Variants in COL16A1 observed in about 807,000 individuals in gnomAD.
COL16A1 encodes the protein collagen alpha-1(XVI) chain.
A neutral mutation model predicts 266.3 loss-of-function variants in COL16A1; 189 were observed. That is an observed-to-expected ratio of 0.71 (90% CI 0.63 to 0.80). The LOEUF is 0.80. Ranked by LOEUF, COL16A1 falls within the 30% of genes least tolerant of loss-of-function variation. The pLI is 0.00. For missense variants in COL16A1, 1,928 were observed against 2,122.4 expected (o/e 0.91, Z 1.80); for synonymous variants, 740 against 782.3 (o/e 0.95, Z 0.90).
Position 31,692,038 on chromosome 1 carries a change from G to T in COL16A1, c.1224C>A (p.Gly408=), listed in dbSNP as rs1644294156. 5.6e-6 allele frequency: 9 copies of T among 1,613,858 alleles called. No homozygotes were observed. Among genetic ancestry groups the T allele is most frequent in the Non-Finnish European group, 7.6e-6 (9 of 1,180,002 alleles). The change falls in exon 17 of 71, where the codon GGC becomes GGA. Residue 408 remains glycine (G), a synonymous_variant. Transcript: ENST00000373672. ...KGQKGEKGDG[G]IKGVPGKPGR... ...CTGGCTTTCCCGGCACGCCCTTGAT[G>T]CCTCCGTCGCCCTTCTCGCCTTTCT...
chr1:31,672,319 G>C, intron 47 of COL16A1, 97 bp downstream of exon 47: 1 of 1,382,696 alleles, frequency 7.2e-7, no homozygotes, highest in Non-Finnish European at 1.0e-6. Context: ...AGTGGTAAAG[G>C]GCATCAGTCA....
chr1:31,695,800 T>C lies in COL16A1; in HGVS notation c.919-13A>G, dbSNP rs896087606. 1 of 1,588,222 alleles carries C rather than the reference T, an allele frequency of 6.3e-7. No homozygotes were observed. Among genetic ancestry groups the C allele is most frequent in the African/African-American group, 1.3e-5 (1 of 74,250 alleles). The stretch of plus-strand genomic sequence containing the variant: ...TCTCCTGATGGACCTGAGGAAAGGG[T>C]GGGGGGTGTGGGAATGGGCAGGGAG... On this transcript the variant is annotated splice_polypyrimidine_tract_variant and intron_variant, in intron 9 of 70. Transcript: ENST00000373672.
chr1:31,654,891 T>C, intron 67 of COL16A1, 33 bp from the exon 68 acceptor site: 1 of 1,610,228 alleles, frequency 6.2e-7, no homozygotes, highest in Non-Finnish European at 8.5e-7. Flanking sequence ...GCCTCAATTA[T>C]ACTTCCAAGC....
chr1:31,668,896 T>TGCCCCCCCCCCCCC lies in COL16A1; in HGVS notation c.3196-42_3196-41insGGGGGGGGGGGGGC. ...CATGAGAAACTGCAGGAGCCGGCGGTCCCCACCCAGCCCCTGACTCCTTCC... is the reference window on the plus strand; with the variant it reads ...CATGAGAAACTGCAGGAGCCGGCGGTGCCCCCCCCCCCCCCCCCACCCAGCCCCTGACTCCTTCC... On this transcript the variant is annotated intron_variant, in intron 49 of 70. Transcript: ENST00000373672. The surrounding 1 kb of genome is among the most constrained non-coding windows in gnomAD (Gnocchi z 5.8). 1.3e-6 allele frequency: 2 copies of TGCCCCCCCCCCCCC among 1,569,722 alleles called. No individual in the cohort carries two copies. Among genetic ancestry groups the TGCCCCCCCCCCCCC allele is most frequent in the African/African-American group, 1.4e-5 (1 of 73,676 alleles).
In COL16A1 at chr1:31,658,896, G is replaced by A; in HGVS notation, c.3930+18C>T. ...CAAAACTCCTGGGAGGGAGGAAGGA[G>A]TGGAGCATGTTACTCACCACTGCAG... is the stretch of plus-strand genomic sequence containing the variant. On this transcript the variant is annotated intron_variant, in intron 63 of 70. Transcript: ENST00000373672. 6.4e-7 allele frequency: 1 copy of A among 1,552,338 alleles called. No homozygotes were observed. Among genetic ancestry groups the A allele is most frequent in the African/African-American group, 1.4e-5 (1 of 73,150 alleles).
At position 31,668,674 on chromosome 1, in the gene COL16A1, G is replaced by A. The variant is rs1642362660; in HGVS notation, c.3249+128C>T. On this transcript the variant is annotated intron_variant, in intron 50 of 70. Transcript: ENST00000373672. This position sits in a 1 kb window ranked among gnomAD's most constrained non-coding sequence, Gnocchi z 5.8. ...TCACACTGAGGGAATCCCGGCAGAA[G>A]GGCAGAGAGTCTCAAGGAGTCCACC... The A allele has an allele frequency of 4.0e-6, 4 of 1,011,542 alleles. No individual in the cohort carries two copies. Among genetic ancestry groups the A allele is most frequent in the African/African-American group, 1.6e-5 (1 of 62,778 alleles). 62.7% of individuals were successfully genotyped at this position (1,011,542 alleles called of 1,614,324 possible).
In COL16A1 at chr1:31,696,876, C is replaced by T. The variant is rs1644524791; in HGVS notation, c.864+87G>A. 3.8e-6 allele frequency: 6 copies of T among 1,588,976 alleles called. No homozygotes were observed. In the South Asian group the frequency reaches 5.6e-5, roughly 15 times the overall value. On this transcript the variant is annotated intron_variant, in intron 8 of 70. Transcript: ENST00000373672. ...CTGCCCTGGGCCCATGGCCAACTGA[C>T]CCTGGTGGCAGACGTCAGTCAGCTC... is the stretch of plus-strand genomic sequence containing the variant.
Position 31,691,192 on chromosome 1 carries a change from T to C in COL16A1, c.1433A>G (p.Asp478Gly). 6.2e-7 allele frequency: 1 copy of C among 1,613,898 alleles called. No homozygotes were observed. The highest frequency in any genetic ancestry group is 1.1e-5 in the South Asian group (1 of 91,034). The change falls in exon 20 of 71, where the codon GAC becomes GGC. Residue 478 changes from aspartate (D) to glycine (G), a missense_variant. Coordinates refer to ENST00000373672, the MANE Select transcript of COL16A1 (RefSeq NM_001856.4). ...CACACTCCCACCTATGCTCACCTTG[T>C]CTCCCTTGGGGCCTGGTGGGCCACC... Reference protein sequence around the residue: ...DPGGPPGPKGDKGSSGIPGKE... With the variant: ...DPGGPPGPKGGKGSSGIPGKE...
intron 59 of COL16A1, 50 bp from the exon 60 acceptor site, chr1:31,661,508 C>T (rs1483765105): frequency 4.3e-6 from 7 of 1,613,836 alleles, no homozygotes; most frequent in Non-Finnish European, 5.9e-6. Context: ...AGCTGGGGGC[C>T]TCTTCCCACT....
rs1290574500 is a variant in COL16A1 at position 31,663,587 on chromosome 1, G to A, written c.3556-929C>T. On this transcript the variant is annotated intron_variant, in intron 56 of 70. Transcript: ENST00000373672. The surrounding 1 kb of genome is among the most constrained non-coding windows in gnomAD (Gnocchi z 4.9). ...TTCTCAGAGCACTGGGGCTTCTGGGGGAGCCTAGAAGCTGGGGGCATGAAG... is the reference window on the plus strand; with the variant it reads ...TTCTCAGAGCACTGGGGCTTCTGGGAGAGCCTAGAAGCTGGGGGCATGAAG... 1.3e-5 allele frequency: 2 copies of A among 152,212 alleles called. No homozygotes were observed. The highest frequency in any genetic ancestry group is 2.4e-5 in the African/African-American group (1 of 41,444). The allele number at this position is 152,212 out of a possible 1,614,324, so 9.4% of individuals were successfully genotyped here. A position where few individuals can be genotyped will look rare whatever the true frequency, so the allele number is the denominator to read the frequency against.
At chr1:31,675,588 C>T (rs1643115476) in intron 42 of COL16A1, among the ~76,000 whole-genome samples, 1 of 152,208 alleles carries the variant, frequency 6.6e-6, no homozygotes, top group Non-Finnish European at 1.5e-5. Flanking sequence ...GAGGGTCTTC[C>T]ATGGAACTAC....
At position 31,671,606 on chromosome 1, in the gene COL16A1, G is replaced by A. The variant is rs750382319; in HGVS notation, c.3150+9C>T. ...TTCTCAAGCAGACCAGGGCACCACT[G>A]ATACTTACGATAGGGCCTGGAGGAC... On this transcript the variant is annotated intron_variant, in intron 48 of 70. Transcript: ENST00000373672. 2 of 1,614,070 alleles carry A rather than the reference G, an allele frequency of 1.2e-6. No homozygotes were observed. The highest frequency in any genetic ancestry group is 1.7e-6 in the Non-Finnish European group (2 of 1,179,996).
rs1407846123 is a variant in COL16A1 at position 31,686,005 on chromosome 1, C to T, written c.1884+86G>A. 3 of 1,577,338 alleles carry T rather than the reference C, an allele frequency of 1.9e-6. No individual in the cohort carries two copies. The African/African-American group carries it at 4.0e-5, about 21-fold the overall frequency. On this transcript the variant is annotated intron_variant, in intron 28 of 70. Coordinates refer to ENST00000373672, the MANE Select transcript of COL16A1 (RefSeq NM_001856.4). ...ACTCTGCCCGACAGACAGCAAGGAG[C>T]CCCAGAGGGTTCGAAGTCGAGCAAG... is the stretch of plus-strand genomic sequence containing the variant.
intron 8 of COL16A1, among the ~76,000 whole-genome samples, chr1:31,696,555 G>T (rs571062107): frequency 1.3e-5 from 2 of 152,242 alleles, no homozygotes; most frequent in African/African-American, 4.8e-5. Flanking sequence ...CCTGGCCGGC[G>T]CTGGGCCCAG....
At chr1:31,701,098 T>C (rs900081859) in intron 2 of COL16A1, among the ~76,000 whole-genome samples, 1 of 152,192 alleles carries the variant, frequency 6.6e-6, no homozygotes, top group Non-Finnish European at 1.5e-5. Context: ...TTGCACTCTC[T>C]GGCTAGACTG....
chr1:31,658,607 G>T, intron 63 of COL16A1, 30 bp from the exon 64 acceptor site: 1 of 1,569,892 alleles, frequency 6.4e-7, no homozygotes, highest in African/African-American at 1.3e-5. Context: ...ACAGTGAGAG[G>T]GGAGGAAAGC....
chr1:31,695,861 C>T, intron 9 of COL16A1, 74 bp from the exon 10 acceptor site: 2 of 1,400,204 alleles, frequency 1.4e-6, no homozygotes, highest in Non-Finnish European at 2.0e-6. Context: ...ACACCCCTAC[C>T]CCCAAACCAA....
At position 31,672,421 on chromosome 1, in the gene COL16A1, C is replaced by T. The variant is rs1197705080; in HGVS notation, c.3100G>A (p.Glu1034Lys). The T allele has an allele frequency of 6.2e-7, 1 of 1,614,154 alleles. No homozygotes were observed. The highest frequency in any genetic ancestry group is 1.1e-5 in the South Asian group (1 of 91,084). Reference sequence around the variant, plus strand: ...ATCCCCATCCCTGGTCTTACCTCTTCTCCTCTCTGGCCTGGCAATCCCGGA... The same window carrying T: ...ATCCCCATCCCTGGTCTTACCTCTTTTCCTCTCTGGCCTGGCAATCCCGGA... ...GPPGLPGQRG[E>K]EGPPGMRGSP... Residue 1034 changes from glutamate (E) to lysine (K), a missense_variant, in exon 47 of 71, where the codon GAA becomes AAA. Glu to Lys is a moderately conservative substitution (Grantham distance 56). This residue lies in a region of COL16A1 where 1,552 missense variants were observed against 1,637.2 expected (regional missense o/e 0.95). Transcript: ENST00000373672.
intron 64 of COL16A1, among the ~76,000 whole-genome samples, chr1:31,658,059 G>A (rs1201949203): frequency 2.6e-5 from 4 of 152,242 alleles, no homozygotes; most frequent in Admixed American, 1.3e-4. Flanking sequence ...ATCGGTGACC[G>A]ATATATCAGC....
Sources: allele counts gnomAD v4.1 joint callset (sites outside exome capture counted in the v4.1 genomes callset), GRCh38; gene constraint gnomAD v4.1.1; regional missense constraint gnomAD v4.1.1; non-coding constraint Gnocchi (gnomAD v3.1); transcripts MANE v1.5; gene names NCBI Gene and HGNC (gene_info 2026-07-23, HGNC 2026-07-21).